TENM3: variants seen among roughly 807,000 people sequenced by gnomAD.
TENM3 encodes the protein teneurin-3.
TENM3 carries 63 observed loss-of-function variants against 255.1 expected under a neutral mutation model. The observed-to-expected ratio is 0.25, with a 90% CI of 0.20 to 0.30. The LOEUF is 0.30. TENM3 is among the 10% of genes least tolerant of loss of function. TENM3 has a pLI of 1.00. For synonymous variants in TENM3, 1,306 were observed against 1,322.3 expected (o/e 0.99, Z 0.27); for missense variants, 2,929 against 3,461.1 (o/e 0.85, Z 3.86).
chr4:181,703,780 T>C, the TENM3 span, among the ~76,000 whole-genome samples: 7,340 of 144,714 alleles, frequency 0.051, 250 homozygotes, highest in Middle Eastern at 0.16. Context: ...CTTTAATGGA[T>C]GGAAGTTCTT....
At chr4:181,477,933 A>G in the TENM3 span, among the ~76,000 whole-genome samples, 1 of 152,200 alleles carries the variant, frequency 6.6e-6, no homozygotes, top group African/African-American at 2.4e-5. Context: ...CCTGTCCTTC[A>G]CAGAAAGACA....
the TENM3 span, among the ~76,000 whole-genome samples, chr4:181,988,271 G>T: frequency 6.6e-6 from 1 of 151,864 alleles, no homozygotes; most frequent in Non-Finnish European, 1.5e-5. Context: ...CATTATCATA[G>T]CCTAGTTCTC....
the TENM3 span, among the ~76,000 whole-genome samples, chr4:182,075,948 C>A: frequency 6.6e-6 from 1 of 152,190 alleles, no homozygotes; most frequent in Non-Finnish European, 1.5e-5. Context: ...GTGACTTATT[C>A]TGTTGCCCAG....
chr4:181,813,012 C>T, the TENM3 span, among the ~76,000 whole-genome samples: 2 of 152,158 alleles, frequency 1.3e-5, no homozygotes, highest in African/African-American at 2.4e-5. Flanking sequence ...CTCTTAGTGT[C>T]TCCTTCAACA....
chr4:181,810,313 C>T, the TENM3 span, among the ~76,000 whole-genome samples: 5 of 152,224 alleles, frequency 3.3e-5, no homozygotes, highest in South Asian at 2.1e-4. Flanking sequence ...CAGCTGTGTA[C>T]GATCCTCTGC....
chr4:181,513,431 C>A, the TENM3 span, among the ~76,000 whole-genome samples: 1 of 152,102 alleles, frequency 6.6e-6, no homozygotes, highest in African/African-American at 2.4e-5. Flanking sequence ...AAAAATGTAA[C>A]CGGAGGCCCT....
the TENM3 span, among the ~76,000 whole-genome samples, chr4:181,599,648 A>G: frequency 0.012 from 1,785 of 152,302 alleles, 32 homozygotes; most frequent in African/African-American, 0.041. Context: ...TGCTTATTCT[A>G]TCTGGGCAAG....
chr4:182,057,043 C>A, the TENM3 span, among the ~76,000 whole-genome samples: 25 of 151,078 alleles, frequency 1.7e-4, no homozygotes, highest in Middle Eastern at 6.8e-3. Context: ...CTCGAATGCC[C>A]CAGTGATAGC....
chr4:181,851,616 G>A, the TENM3 span, among the ~76,000 whole-genome samples: 1 of 151,706 alleles, frequency 6.6e-6, no homozygotes, highest in Non-Finnish European at 1.5e-5. Flanking sequence ...ACACACGCAC[G>A]CACGCACACG....
chr4:182,662,210 A>T (rs1280843332), intron 6 of TENM3, among the ~76,000 whole-genome samples: 1 of 152,188 alleles, frequency 6.6e-6, no homozygotes, highest in Non-Finnish European at 1.5e-5. Flanking sequence ...AGCTTTGCGT[A>T]TGTGGTCTCT....
chr4:182,316,752 G>C (rs1007787115), intron 1 of TENM3, among the ~76,000 whole-genome samples: 1 of 152,134 alleles, frequency 6.6e-6, no homozygotes, highest in Non-Finnish European at 1.5e-5. Context: ...GGGACCCTTG[G>C]CAGATCCTCA....
chr4:182,090,562 C>G, the TENM3 span, among the ~76,000 whole-genome samples: 1 of 152,112 alleles, frequency 6.6e-6, no homozygotes, highest in South Asian at 2.1e-4. Flanking sequence ...GTTAACAGGT[C>G]GGACCATGCC....
At chr4:182,455,484 T>C (rs1773790930) in intron 3 of TENM3, among the ~76,000 whole-genome samples, 1 of 151,298 alleles carries the variant, frequency 6.6e-6, no homozygotes, top group Non-Finnish European at 1.5e-5. Context: ...GTATTTTCGC[T>C]GGTCGGTGCT....
intron 1 of TENM3, among the ~76,000 whole-genome samples, chr4:182,277,053 C>G (rs972888059): frequency 1.3e-5 from 2 of 152,186 alleles, no homozygotes; most frequent in African/African-American, 4.8e-5. Flanking sequence ...TACGTCTGAA[C>G]AAAATGTCCT....
chr4:182,302,226 C>G (rs1761894680), intron 1 of TENM3, among the ~76,000 whole-genome samples: 1 of 152,186 alleles, frequency 6.6e-6, no homozygotes, highest in African/African-American at 2.4e-5. Flanking sequence ...CGCCCCACCC[C>G]ACCTGTTCTC....
the TENM3 span, among the ~76,000 whole-genome samples, chr4:181,633,822 C>T: frequency 9.8e-5 from 15 of 152,292 alleles, no homozygotes; most frequent in Non-Finnish European, 1.8e-4. Context: ...CGTTTGTTCC[C>T]CCACACAACC....
At chr4:181,467,125 A>ATTTTTT in the TENM3 span, among the ~76,000 whole-genome samples, 3 of 17,616 alleles carry the variant, frequency 1.7e-4, no homozygotes, top group East Asian at 1.1e-3. Context: ...ATATATATAT[A>ATTTTTT]TTTTTTTTTT....
At chr4:182,480,558 T>TCA (rs542525750) in intron 3 of TENM3, among the ~76,000 whole-genome samples, 52 of 152,208 alleles carry the variant, frequency 3.4e-4, no homozygotes, top group Admixed American at 2.5e-3. Context: ...TGCTTTAAAT[T>TCA]CATATATATG....
the TENM3 span, among the ~76,000 whole-genome samples, chr4:181,487,458 G>A: frequency 6.6e-6 from 1 of 152,092 alleles, no homozygotes; most frequent in African/African-American, 2.4e-5. Flanking sequence ...CTCAGCATCT[G>A]GTAAAGGCCC....
Sources: allele counts gnomAD v4.1 joint callset (sites outside exome capture counted in the v4.1 genomes callset), GRCh38; gene constraint gnomAD v4.1.1; transcripts MANE v1.5; gene names NCBI Gene and HGNC (gene_info 2026-07-23, HGNC 2026-07-21).